The following SHANK2 variants were observed in gnomAD, a reference collection of about 807,000 sequenced individuals.
The protein encoded by SHANK2 is SH3 and multiple ankyrin repeat domains 2.
A neutral mutation model predicts 133.7 loss-of-function variants in SHANK2; 43 were observed. The observed-to-expected ratio is 0.32, with a 90% confidence interval of 0.25 to 0.41. SHANK2 has a LOEUF of 0.41. SHANK2 is among the 10% of genes least tolerant of loss of function. The pLI, the probability that SHANK2 is intolerant of heterozygous loss-of-function variation, is 1.00. For synonymous variants in SHANK2, 1,017 were observed against 952.8 expected (o/e 1.07, Z -1.24); for missense variants, 1,994 against 2,235.8 (o/e 0.89, Z 2.18).
At chr11:70,838,274 C>T (rs1314739801) in intron 11 of SHANK2, among the ~76,000 whole-genome samples, 2 of 152,198 alleles carry the variant, frequency 1.3e-5, no homozygotes, top group Admixed American at 6.5e-5. Context: ...ATCTTAGGTC[C>T]TTGTGTGCCT....
chr11:70,701,581 T>G, intron 14 of SHANK2, among the ~76,000 whole-genome samples: 1 of 152,014 alleles, frequency 6.6e-6, no homozygotes, highest in Non-Finnish European at 1.5e-5. Context: ...TTATATTTTT[T>G]TTTTCGTAGA....
intron 2 of SHANK2, among the ~76,000 whole-genome samples, chr11:71,211,930 C>T (rs1954291680): frequency 1.3e-5 from 2 of 152,160 alleles, no homozygotes; most frequent in South Asian, 2.1e-4. Context: ...TGGGAACACA[C>T]TGGAACGACT....
intron 10 of SHANK2, among the ~76,000 whole-genome samples, chr11:70,930,310 A>G (rs1950484860): frequency 6.6e-6 from 1 of 152,000 alleles, no homozygotes; most frequent in Non-Finnish European, 1.5e-5. Flanking sequence ...GAGAACCACA[A>G]TGTCTCCTTT....
intron 10 of SHANK2, among the ~76,000 whole-genome samples, chr11:70,914,090 G>A (rs1315995732): frequency 6.6e-6 from 1 of 152,108 alleles, no homozygotes; most frequent in African/African-American, 2.4e-5. Flanking sequence ...GGAGTTGTCG[G>A]GCCCTCAAAG....
rs1474244909 is a variant in SHANK2, at chr11:71,146,144, G to A, written c.207+976C>T. On this transcript the variant is annotated intron_variant, in intron 3 of 25. Coordinates refer to ENST00000601538, the MANE Select transcript of SHANK2 (RefSeq NM_012309.5). ...TGTTCGCAGGCCAACCCTACTAGGC[G>A]CCTGTTTGCAACCATTATGTCTGCT... 7.9e-5 allele frequency among the ~76,000 whole-genome samples: 12 copies of A among 152,282 alleles called. No homozygotes were observed. The Middle Eastern group carries it at 0.01, about 129-fold the overall frequency.
chr11:70,585,684 C>CGTA (rs1437947908), intron 17 of SHANK2, among the ~76,000 whole-genome samples: 1 of 151,828 alleles, frequency 6.6e-6, no homozygotes, highest in Non-Finnish European at 1.5e-5. Context: ...CCCCACTACC[C>CGTA]ACTCATCTAT....
intron 15 of SHANK2, among the ~76,000 whole-genome samples, chr11:70,691,262 G>A (rs151030206): frequency 3.0e-4 from 45 of 152,272 alleles, no homozygotes; most frequent in African/African-American, 1.0e-3. Context: ...GCAGGAGGAC[G>A]AGGAGAAGAC....
At chr11:70,786,803 G>T (rs1169487949) in intron 14 of SHANK2, among the ~76,000 whole-genome samples, 1 of 152,120 alleles carries the variant, frequency 6.6e-6, no homozygotes. Context: ...AAGGTGGAGT[G>T]CCAGACTTGA....
intron 17 of SHANK2, among the ~76,000 whole-genome samples, chr11:70,609,127 C>T (rs946651268): frequency 2.6e-5 from 4 of 152,344 alleles, no homozygotes; most frequent in South Asian, 2.1e-4. Flanking sequence ...TGGCACCGGG[C>T]GGCCCAGAGA....
At chr11:70,482,811 T>G (rs2058754045) in intron 25 of SHANK2, among the ~76,000 whole-genome samples, 1 of 152,184 alleles carries the variant, frequency 6.6e-6, no homozygotes, top group African/African-American at 2.4e-5. Context: ...TTCTGCCCTA[T>G]GAAGTCTGCT....
At chr11:70,811,493 C>T (rs529087122) in intron 12 of SHANK2, among the ~76,000 whole-genome samples, 3 of 152,158 alleles carry the variant, frequency 2.0e-5, no homozygotes, top group South Asian at 4.2e-4. Context: ...CCATCCAGGC[C>T]TCCTTGCCCA....
At chr11:70,544,301 T>C (rs1359935132) in intron 17 of SHANK2, among the ~76,000 whole-genome samples, 1 of 152,214 alleles carries the variant, frequency 6.6e-6, no homozygotes, top group Non-Finnish European at 1.5e-5. Flanking sequence ...TCCCAGCAGC[T>C]ACGGGGAACA....
At chr11:70,735,442 A>C (rs1946383939) in intron 14 of SHANK2, among the ~76,000 whole-genome samples, 2 of 152,070 alleles carry the variant, frequency 1.3e-5, no homozygotes. Flanking sequence ...GTGGTGGCTC[A>C]TGCCTGTAAT....
intron 11 of SHANK2, among the ~76,000 whole-genome samples, chr11:70,892,083 T>G (rs1555074813): frequency 6.6e-6 from 1 of 152,102 alleles, no homozygotes; most frequent in Non-Finnish European, 1.5e-5. Flanking sequence ...CACTGTGAGC[T>G]ACAAAGGCTT....
chr11:71,197,268 A>G (rs1953923883), intron 2 of SHANK2, among the ~76,000 whole-genome samples: 1 of 151,534 alleles, frequency 6.6e-6, no homozygotes, highest in South Asian at 2.1e-4. Context: ...GCCTGAGCAC[A>G]TGGCTGGGCC....
chr11:70,892,575 G>T (rs1949864514), intron 11 of SHANK2, among the ~76,000 whole-genome samples: 1 of 152,212 alleles, frequency 6.6e-6, no homozygotes, highest in Non-Finnish European at 1.5e-5. Flanking sequence ...AGGTTCTCAA[G>T]GTAAGTACTT....
At chr11:70,601,147 G>A (rs1177278645) in intron 17 of SHANK2, among the ~76,000 whole-genome samples, 2 of 152,036 alleles carry the variant, frequency 1.3e-5, no homozygotes, top group East Asian at 1.9e-4. Flanking sequence ...CACCTCCTGG[G>A]TTTAAGCGAT....
At chr11:70,653,586 AAAAG>A (rs1565216240) in intron 17 of SHANK2, among the ~76,000 whole-genome samples, 3 of 151,418 alleles carry the variant, frequency 2.0e-5, no homozygotes, top group South Asian at 2.1e-4. Flanking sequence ...AAAAAAAAAA[AAAAG>A]AAAGAAAATG....
intron 10 of SHANK2, among the ~76,000 whole-genome samples, chr11:70,901,449 G>A (rs917915856): frequency 2.6e-5 from 4 of 152,196 alleles, no homozygotes. Flanking sequence ...AAGAACGGAC[G>A]CTGCTTTGTC....
Sources: allele counts gnomAD v4.1 joint callset (sites outside exome capture counted in the v4.1 genomes callset), GRCh38; gene constraint gnomAD v4.1.1; transcripts MANE v1.5; gene names NCBI Gene and HGNC (gene_info 2026-07-23, HGNC 2026-07-21).